The following CDK14 variants were observed in gnomAD, a reference collection of about 807,000 sequenced individuals.
CDK14 encodes the protein cyclin dependent kinase 14, also known as cyclin-dependent kinase 14.
In CDK14, 34 loss-of-function variants were observed where a neutral mutation model predicts 60.7. The ratio of observed to expected loss-of-function variants is 0.56; its 90% CI spans 0.43 to 0.75. The LOEUF (loss-of-function observed/expected upper bound fraction) is 0.75. CDK14 is among the 30% of genes least tolerant of loss of function. The pLI, the probability that CDK14 is intolerant of heterozygous loss-of-function variation, is 0.00. For synonymous variants in CDK14, 197 were observed against 203.7 expected, an observed-to-expected ratio of 0.97 and a Z score of 0.28; for missense variants, 482 against 564.1, an observed-to-expected ratio of 0.85 and a Z score of 1.47.
intron 5 of CDK14, among the ~76,000 whole-genome samples, chr7:90,834,934 A>G (rs1790040115): frequency 1.3e-5 from 2 of 152,166 alleles, no homozygotes; most frequent in South Asian, 4.1e-4. Context: ...GAGATTTATC[A>G]GTGAACAGAT....
At chr7:90,885,443 GC>G (rs200922161) in intron 6 of CDK14, among the ~76,000 whole-genome samples, 3,460 of 152,230 alleles carry the variant, frequency 0.023, 56 homozygotes, top group Admixed American at 0.034. Context: ...TGGTGGCGAG[GC>G]TGTGCAATAG....
At chr7:90,901,890 C>T (rs1417628340) in intron 7 of CDK14, among the ~76,000 whole-genome samples, 1 of 151,928 alleles carries the variant, frequency 6.6e-6, no homozygotes, top group Non-Finnish European at 1.5e-5. Context: ...AAAAAAGTTA[C>T]AGAGCTGATA....
chr7:91,006,437 G>A (rs1211772357), intron 10 of CDK14, among the ~76,000 whole-genome samples: 1 of 152,052 alleles, frequency 6.6e-6, no homozygotes, highest in Non-Finnish European at 1.5e-5. Flanking sequence ...CATAACTCCT[G>A]GATAGAAATT....
chr7:91,139,948 G>T (rs1379252627), intron 14 of CDK14, among the ~76,000 whole-genome samples: 6 of 150,602 alleles, frequency 4.0e-5, no homozygotes, highest in Non-Finnish European at 8.9e-5. Context: ...TAATCCCATT[G>T]AAAAAAACTC....
chr7:90,944,082 C>A (rs1396477663), intron 8 of CDK14, among the ~76,000 whole-genome samples: 1 of 152,150 alleles, frequency 6.6e-6, no homozygotes, highest in Non-Finnish European at 1.5e-5. Context: ...TTTGTACGTG[C>A]ACACTTCATC....
chr7:90,743,840 C>T (rs1012015728), intron 3 of CDK14, among the ~76,000 whole-genome samples: 1 of 151,570 alleles, frequency 6.6e-6, no homozygotes, highest in Non-Finnish European at 1.5e-5. Context: ...TATATTTTCC[C>T]CTTCTTTATT....
chr7:90,815,986 A>G (rs1481749219), intron 5 of CDK14, among the ~76,000 whole-genome samples: 1 of 152,138 alleles, frequency 6.6e-6, no homozygotes, highest in Non-Finnish European at 1.5e-5. Context: ...TAAGACCTAG[A>G]AGATGGGTTG....
At chr7:91,068,760 C>G (rs1260746065) in intron 11 of CDK14, among the ~76,000 whole-genome samples, 1 of 144,498 alleles carries the variant, frequency 6.9e-6, no homozygotes, top group Non-Finnish European at 1.5e-5. Context: ...CCAACCTTGC[C>G]TTCTGTAGTG....
chr7:90,959,246 A>G (rs1050539878), intron 9 of CDK14, among the ~76,000 whole-genome samples: 4 of 152,160 alleles, frequency 2.6e-5, no homozygotes, highest in Admixed American at 6.6e-5. Context: ...CAAATGTGTT[A>G]TGTCTGAACA....
At chr7:90,816,273 C>A (rs903501591) in intron 5 of CDK14, among the ~76,000 whole-genome samples, 2 of 152,108 alleles carry the variant, frequency 1.3e-5, no homozygotes, top group African/African-American at 4.8e-5. Flanking sequence ...TCCACATCAA[C>A]CAACACCACC....
chr7:91,034,933 C>CAT (rs1554408666), intron 10 of CDK14, among the ~76,000 whole-genome samples: 4 of 119,122 alleles, frequency 3.4e-5, no homozygotes, highest in African/African-American at 1.0e-4. Context: ...TACACACACA[C>CAT]ACACATACAC....
At chr7:91,014,980 A>G (rs1474496605) in intron 10 of CDK14, among the ~76,000 whole-genome samples, 1 of 152,138 alleles carries the variant, frequency 6.6e-6, no homozygotes, top group East Asian at 1.9e-4. Context: ...ACCTATGTCC[A>G]TTGTCACTAA....
chr7:90,943,058 TGTC>T (rs1584149773), intron 8 of CDK14, among the ~76,000 whole-genome samples: 1 of 152,112 alleles, frequency 6.6e-6, no homozygotes, highest in Non-Finnish European at 1.5e-5. Flanking sequence ...GCAGCTAAAG[TGTC>T]GTGCTGAATC....
intron 2 of CDK14, among the ~76,000 whole-genome samples, chr7:90,663,468 C>CAGGAGG (rs1242757228): frequency 2.6e-5 from 4 of 152,156 alleles, no homozygotes; most frequent in African/African-American, 9.7e-5. Flanking sequence ...TTCTTCCCCT[C>CAGGAGG]CTTCAGTGTG....
chr7:90,862,909 G>C (rs1312600131), intron 5 of CDK14, among the ~76,000 whole-genome samples: 1 of 152,168 alleles, frequency 6.6e-6, no homozygotes, highest in Non-Finnish European at 1.5e-5. Context: ...GCCAGGCACT[G>C]TGTTATACAC....
intron 2 of CDK14, among the ~76,000 whole-genome samples, chr7:90,683,897 C>T (rs902949926): frequency 3.4e-5 from 5 of 145,764 alleles, no homozygotes; most frequent in African/African-American, 5.1e-5. Context: ...AGAAAATGTA[C>T]GTGTGTGTGT....
At chr7:90,954,076 C>G (rs1315530813) in intron 8 of CDK14, among the ~76,000 whole-genome samples, 2 of 152,206 alleles carry the variant, frequency 1.3e-5, no homozygotes, top group South Asian at 4.1e-4. Context: ...ATAATCTGTA[C>G]ATTTTAATAT....
At chr7:91,103,659 C>A (rs1175536955) in intron 12 of CDK14, among the ~76,000 whole-genome samples, 2 of 152,132 alleles carry the variant, frequency 1.3e-5, no homozygotes, top group South Asian at 2.1e-4. Flanking sequence ...AGAGCTAGGA[C>A]AACTCTTAAA....
chr7:91,158,754 G>C (rs562254248), intron 14 of CDK14, among the ~76,000 whole-genome samples: 6 of 152,316 alleles, frequency 3.9e-5, no homozygotes, highest in Admixed American at 3.3e-4. Flanking sequence ...TCAGAGGTAA[G>C]GAATTGATGG....
Sources: allele counts gnomAD v4.1 joint callset (sites outside exome capture counted in the v4.1 genomes callset), GRCh38; gene constraint gnomAD v4.1.1; transcripts MANE v1.5; gene names NCBI Gene and HGNC (gene_info 2026-07-23, HGNC 2026-07-21).